Variants in RBM20 observed in about 807,000 individuals in gnomAD.
RBM20 encodes RNA binding motif protein 20.
RBM20 carries 51 observed loss-of-function variants against 110.1 expected under a neutral mutation model. The ratio of observed to expected loss-of-function variants is 0.46; its 90% CI spans 0.37 to 0.59. The LOEUF is 0.59. Ranked by LOEUF, RBM20 falls within the 20% of genes least tolerant of loss-of-function variation. RBM20 has a pLI of 0.00. For synonymous variants in RBM20, 589 were observed against 618.2 expected (o/e 0.95, Z 0.70); for missense variants, 1,512 against 1,574.9 (o/e 0.96, Z 0.68).
chr10:110,771,187 G>A (rs1179214295), intron 1 of RBM20, among the ~76,000 whole-genome samples: 1 of 151,896 alleles, frequency 6.6e-6, no homozygotes, highest in East Asian at 1.9e-4. Context: ...GACAGAGTCT[G>A]GCTCTGTTGC....
intron 1 of RBM20, chr10:110,756,550 A>G (rs1590657389): frequency 6.6e-6 from 1 of 152,234 alleles, no homozygotes. Flanking sequence ...TTCCCTCCTC[A>G]TACCTCAATG....
intron 1 of RBM20, among the ~76,000 whole-genome samples, chr10:110,744,447 A>G (rs1476938559): frequency 2.0e-5 from 3 of 152,222 alleles, no homozygotes; most frequent in Admixed American, 1.3e-4. Context: ...TATATAAAAT[A>G]AAAGAACTTG....
At position 110,780,871 on chromosome 10, in the gene RBM20, A is replaced by G. The variant is rs1844329109; in HGVS notation, c.262A>G (p.Ser88Gly). Reference protein sequence around the residue: ...NPNPLLPSPASLQLAQLQAQL... With the variant: ...NPNPLLPSPAGLQLAQLQAQL... ...GAACCCTCTGCTTCCTTCACCTGCC[A>G]GTCTCCAGCTGGCTCAACTGCAGGC... Residue 88 changes from serine to glycine, a missense_variant, in exon 2 of 14, where the codon AGT becomes GGT. Transcript: ENST00000369519. The G allele has an allele frequency of 6.5e-7, 1 of 1,550,142 alleles. No individual in the cohort carries two copies.
chr10:110,830,191 C>T (rs552926031), intron 12 of RBM20, among the ~76,000 whole-genome samples: 1 of 152,182 alleles, frequency 6.6e-6, no homozygotes, highest in African/African-American at 2.4e-5. Flanking sequence ...ACTGACTGAC[C>T]GTGTCTTCAA....
rs1392575205 is a variant in RBM20, at chr10:110,709,427, C to A, written c.191+64782C>A. Among the ~76,000 whole-genome samples, 3 of 152,138 alleles carry A rather than the reference C, an allele frequency of 2.0e-5. No homozygotes were observed. The East Asian group carries it at 5.8e-4, about 29-fold the overall frequency. Reference sequence around the variant, plus strand: ...AGCCCACACTGGCCAGCATTGCTGCCTGTCTGTTAGAGGGAGTGTCTGCCC... The same window carrying A: ...AGCCCACACTGGCCAGCATTGCTGCATGTCTGTTAGAGGGAGTGTCTGCCC... On this transcript the variant is annotated intron_variant, in intron 1 of 13. Coordinates refer to ENST00000369519, the MANE Select transcript of RBM20 (RefSeq NM_001134363.3).
intron 7 of RBM20, among the ~76,000 whole-genome samples, chr10:110,801,759 A>T (rs1844628350): frequency 7.1e-6 from 1 of 141,328 alleles, no homozygotes; most frequent in Admixed American, 7.5e-5. Flanking sequence ...ATTGGCCAGG[A>T]TGGTCTCAAT....
intron 1 of RBM20, among the ~76,000 whole-genome samples, chr10:110,659,711 C>CTTTT (rs376967647): frequency 6.6e-6 from 1 of 151,754 alleles, no homozygotes; most frequent in Non-Finnish European, 1.5e-5. Flanking sequence ...AATTTCTGTT[C>CTTTT]TTTTTTTTCT....
chr10:110,806,706 T>A (rs1844700048), intron 7 of RBM20, among the ~76,000 whole-genome samples: 1 of 152,154 alleles, frequency 6.6e-6, no homozygotes, highest in South Asian at 2.1e-4. Flanking sequence ...TTCTTCGGGG[T>A]TCAGTAAACC....
At chr10:110,675,010 A>G (rs1013455377) in intron 1 of RBM20, among the ~76,000 whole-genome samples, 3 of 152,228 alleles carry the variant, frequency 2.0e-5, no homozygotes, top group African/African-American at 7.2e-5. Context: ...GCAGGATGCA[A>G]TTCTGTATCC....
intron 8 of RBM20, among the ~76,000 whole-genome samples, chr10:110,810,799 G>T (rs1056368212): frequency 6.7e-6 from 1 of 149,850 alleles, no homozygotes; most frequent in Admixed American, 6.7e-5. Flanking sequence ...TAATGCGTGT[G>T]TGTGTGTGTG....
intron 1 of RBM20, among the ~76,000 whole-genome samples, chr10:110,754,618 G>C (rs1397865082): frequency 1.3e-5 from 2 of 152,070 alleles, no homozygotes; most frequent in Non-Finnish European, 2.9e-5. Context: ...TTAATCTTTT[G>C]CCAAACACTT....
At chr10:110,823,319 C>T (rs964091819) in intron 11 of RBM20, among the ~76,000 whole-genome samples, 161 bp from the exon 12 acceptor site, 5 of 151,932 alleles carry the variant, frequency 3.3e-5, no homozygotes, top group Admixed American at 3.3e-4. Flanking sequence ...TGCTTTGGTT[C>T]TAATTAGCAA....
chr10:110,699,133 G>C (rs543793900), intron 1 of RBM20, among the ~76,000 whole-genome samples: 2 of 152,030 alleles, frequency 1.3e-5, no homozygotes, highest in African/African-American at 4.8e-5. Context: ...TTAGACGGGG[G>C]CTCCACTGAT....
chr10:110,799,306 G>A (rs930010614), intron 6 of RBM20, among the ~76,000 whole-genome samples: 2 of 152,150 alleles, frequency 1.3e-5, no homozygotes, highest in Non-Finnish European at 2.9e-5. Context: ...TGTAGCCCAG[G>A]ACAGACATAC....
At chr10:110,667,671 G>C (rs1862197998) in intron 1 of RBM20, among the ~76,000 whole-genome samples, 1 of 152,098 alleles carries the variant, frequency 6.6e-6, no homozygotes, top group African/African-American at 2.4e-5. Context: ...GTAACACACA[G>C]GGCTTCATCC....
chr10:110,773,868 G>A (rs1411528779), intron 1 of RBM20, among the ~76,000 whole-genome samples: 2 of 152,138 alleles, frequency 1.3e-5, no homozygotes, highest in Non-Finnish European at 2.9e-5. Context: ...CCTGATAAGC[G>A]ACGTACGGAG....
rs892327525 is a variant in RBM20 at position 110,829,225 on chromosome 10, C to T, written c.3452-1836C>T. On this transcript the variant is annotated intron_variant, in intron 12 of 13. Transcript: ENST00000369519. ...CAGAGGGAAAACTATTTTGTAACAA[C>T]GCAGGAAGGAGGCAGACCTTGCTGA... 5.3e-5 allele frequency among the ~76,000 whole-genome samples: 8 copies of T among 152,202 alleles called. No individual in the cohort carries two copies. In the South Asian group the frequency reaches 1.0e-3, roughly 20 times the overall value.
intron 5 of RBM20, 88 bp downstream of exon 5, chr10:110,784,977 A>T: frequency 1.2e-6 from 1 of 839,060 alleles, no homozygotes; most frequent in East Asian, 2.7e-5. Context: ...GCCAGGCTGG[A>T]ATGCAATGGT....
rs141860448 is a variant in RBM20 at position 110,696,185 on chromosome 10, C to T, written c.191+51540C>T. 4.9e-4 allele frequency among the ~76,000 whole-genome samples: 75 copies of T among 152,330 alleles called. 2 individuals carry two copies. The highest frequency in any genetic ancestry group is 1.8e-3 in the African/African-American group (74 of 41,582). On this transcript the variant is annotated intron_variant, in intron 1 of 13. Transcript: ENST00000369519. ...CCAGGGAAGTGATTTAAGAATTGTA[C>T]GCATCCTTATTTCCTCTCCTCAGTA... is the stretch of plus-strand genomic sequence containing the variant.
Sources: gnomAD v4.1 joint callset for allele counts (sites outside exome capture counted in the v4.1 genomes callset) on GRCh38, gnomAD v4.1.1 for gene constraint, MANE v1.5 for transcripts, NCBI Gene and HGNC (gene_info 2026-07-23, HGNC 2026-07-21) for gene names.